Variants in LMBRD1 observed in about 807,000 individuals in gnomAD.
LMBRD1 encodes LMBR1 domain containing 1, also known as lysosomal cobalamin transport escort protein LMBD1.
LMBRD1 carries 64 observed loss-of-function variants against 74.8 expected under a neutral mutation model. The observed-to-expected ratio is 0.86, with a 90% CI of 0.70 to 1.05. The LOEUF (loss-of-function observed/expected upper bound fraction) is 1.05, where lower values mean the gene tolerates loss of function less well. Ranked by LOEUF, LMBRD1 falls within the 50% of genes least tolerant of loss-of-function variation. The pLI is 0.00. For missense variants in LMBRD1, 652 were observed against 645.9 expected, an observed-to-expected ratio of 1.01 and a Z score of -0.10; for synonymous variants, 204 against 216.3, an observed-to-expected ratio of 0.94 and a Z score of 0.50.
At chr6:69,734,796 T>C (rs1766938519) in intron 7 of LMBRD1, among the ~76,000 whole-genome samples, 1 of 152,204 alleles carries the variant, frequency 6.6e-6, no homozygotes, top group Admixed American at 6.5e-5. Flanking sequence ...TAAATAAAGA[T>C]TCAAAGCACT....
intron 7 of LMBRD1, among the ~76,000 whole-genome samples, chr6:69,722,769 GAAGGA>G (rs1217009012): frequency 2.0e-5 from 3 of 152,052 alleles, no homozygotes; most frequent in Non-Finnish European, 4.4e-5. Flanking sequence ...AGACAAGAAA[GAAGGA>G]AAGAAGGGAG....
At chr6:69,685,893 A>G (rs1010231644) in intron 14 of LMBRD1, among the ~76,000 whole-genome samples, 2 of 152,190 alleles carry the variant, frequency 1.3e-5, no homozygotes, top group Non-Finnish European at 2.9e-5. Flanking sequence ...AAAGTTTGAT[A>G]ACCTTTCTTT....
chr6:69,752,709 T>G (rs1765185634), intron 3 of LMBRD1, among the ~76,000 whole-genome samples: 2 of 152,212 alleles, frequency 1.3e-5, no homozygotes, highest in Non-Finnish European at 2.9e-5. Flanking sequence ...TTAAATGAAC[T>G]TTAACTTTTG....
chr6:69,691,910 G>A (rs1268657729), intron 14 of LMBRD1, among the ~76,000 whole-genome samples: 2 of 150,732 alleles, frequency 1.3e-5, no homozygotes, highest in Non-Finnish European at 3.0e-5. Context: ...AGAAAGCTTG[G>A]TAAACAAATT....
chr6:69,752,231 C>T (rs1490191763), intron 4 of LMBRD1, 28 bp downstream of exon 4: 2 of 1,596,518 alleles, frequency 1.3e-6, no homozygotes, highest in Admixed American at 1.7e-5. Flanking sequence ...CTTTCCTAAA[C>T]TAAGGCCTCT....
chr6:69,754,319 T>C (rs1277839852), intron 3 of LMBRD1, among the ~76,000 whole-genome samples: 1 of 152,178 alleles, frequency 6.6e-6, no homozygotes, highest in Non-Finnish European at 1.5e-5. Flanking sequence ...ATGTTAGTAA[T>C]GTATAATAAA....
intron 7 of LMBRD1, among the ~76,000 whole-genome samples, chr6:69,722,650 C>T (rs1344126487): frequency 3.3e-5 from 5 of 152,000 alleles, no homozygotes; most frequent in Admixed American, 6.6e-5. Flanking sequence ...AAATAGCATA[C>T]GCAAGCCTTG....
intron 5 of LMBRD1, 53 bp downstream of exon 5, chr6:69,749,288 T>C (rs1765065707): frequency 1.5e-6 from 2 of 1,341,974 alleles, no homozygotes; most frequent in African/African-American, 1.5e-5. Flanking sequence ...ATTTTTTTTT[T>C]CAAATAATTC....
rs563408291 is a variant in LMBRD1 at position 69,740,582 on chromosome 6, C to A, written c.562+1207G>T. On this transcript the variant is annotated intron_variant, in intron 6 of 15. Coordinates refer to ENST00000649934, the MANE Select transcript of LMBRD1 (RefSeq NM_018368.4). ...GTATCAGCAAGATATTAATGAATCA[C>A]AATTTACAACATGAGATCTTAAGTG... 2.7e-3 allele frequency among the ~76,000 whole-genome samples: 413 copies of A among 152,220 alleles called. 1 individual carries two copies. The Middle Eastern group carries it at 0.048, about 18-fold the overall frequency.
rs186495224 is a variant in LMBRD1 at position 69,778,946 on chromosome 6, G to C, written c.307+1548C>G. ...CTCACGCCTGTAATCCCAGCACTTC[G>C]GAAGGCCAGGATGGGCGGATCACTA... On this transcript the variant is annotated intron_variant, in intron 3 of 15. Transcript: ENST00000649934. 4.2e-3 allele frequency among the ~76,000 whole-genome samples: 636 copies of C among 152,130 alleles called. 5 individuals carry two copies. Among genetic ancestry groups the C allele is most frequent in the African/African-American group, 0.014 (590 of 41,486 alleles).
At chr6:69,705,524 T>C (rs1766233197) in intron 9 of LMBRD1, 4 of 1,294,514 alleles carry the variant, frequency 3.1e-6, no homozygotes, top group Admixed American at 1.7e-5. Flanking sequence ...GTATTGATGA[T>C]GGTTTTGAGT....
chr6:69,774,507 T>C (rs1765646150), intron 3 of LMBRD1, among the ~76,000 whole-genome samples: 1 of 152,230 alleles, frequency 6.6e-6, no homozygotes, highest in Non-Finnish European at 1.5e-5. Context: ...TAATTTCTTT[T>C]ACATGAATTT....
At chr6:69,768,419 A>G (rs957222431) in intron 3 of LMBRD1, among the ~76,000 whole-genome samples, 1 of 151,784 alleles carries the variant, frequency 6.6e-6, no homozygotes, top group African/African-American at 2.4e-5. Context: ...ATCACAATTT[A>G]CCTTCAATTA....
chr6:69,718,457 G>C (rs1016034890), intron 8 of LMBRD1, among the ~76,000 whole-genome samples: 2 of 152,050 alleles, frequency 1.3e-5, no homozygotes, highest in African/African-American at 4.8e-5. Context: ...GTTTTGTAAG[G>C]GTACTGTATT....
intron 9 of LMBRD1, among the ~76,000 whole-genome samples, chr6:69,704,207 T>C (rs1766198485): frequency 6.6e-6 from 1 of 152,106 alleles, no homozygotes; most frequent in Non-Finnish European, 1.5e-5. Flanking sequence ...TGAGATACTT[T>C]CAGAATATGC....
chr6:69,682,919 A>G (rs1273426998), intron 14 of LMBRD1, among the ~76,000 whole-genome samples: 1 of 152,024 alleles, frequency 6.6e-6, no homozygotes, highest in Non-Finnish European at 1.5e-5. Context: ...TGCATTTGAA[A>G]GAAAAGAAAA....
intron 14 of LMBRD1, among the ~76,000 whole-genome samples, chr6:69,685,447 G>C (rs1286816159): frequency 1.3e-5 from 2 of 152,100 alleles, no homozygotes; most frequent in Admixed American, 1.3e-4. Flanking sequence ...TGGAAGAGTG[G>C]TTTCCACAGT....
chr6:69,731,395 G>A (rs1285309191), intron 7 of LMBRD1, among the ~76,000 whole-genome samples: 1 of 151,952 alleles, frequency 6.6e-6, no homozygotes, highest in Non-Finnish European at 1.5e-5. Context: ...CACATTATAT[G>A]AACACCTCAG....
chr6:69,776,592 T>A (rs950555732), intron 3 of LMBRD1, among the ~76,000 whole-genome samples: 4 of 152,236 alleles, frequency 2.6e-5, no homozygotes, highest in African/African-American at 7.2e-5. Flanking sequence ...AAAACACACA[T>A]GGAACCCGAA....
Sources: allele counts gnomAD v4.1 joint callset (sites outside exome capture counted in the v4.1 genomes callset), GRCh38; gene constraint gnomAD v4.1.1; transcripts MANE v1.5; gene names NCBI Gene and HGNC (gene_info 2026-07-23, HGNC 2026-07-21).